PI4KA: variants seen among roughly 807,000 people sequenced by gnomAD.
PI4KA encodes PI4-kinase alpha.
Under a neutral mutation model 271.4 loss-of-function variants are expected in PI4KA, and 122 were observed. The observed-to-expected ratio is 0.45, with a 90% CI of 0.39 to 0.52. The LOEUF is 0.52. PI4KA is among the 20% of genes least tolerant of loss of function. The pLI, the probability that PI4KA is intolerant of heterozygous loss-of-function variation, is 0.00. For missense variants in PI4KA, 1,969 were observed against 2,769.1 expected (o/e 0.71, Z 6.48); for synonymous variants, 1,041 against 1,078.8 (o/e 0.96, Z 0.69).
At position 20,798,706 on chromosome 22, in the gene PI4KA, C is replaced by T. The variant is rs1459632632; in HGVS notation, c.2005-19G>A. 2 of 1,518,378 alleles carry T rather than the reference C, an allele frequency of 1.3e-6. No homozygotes were observed. The highest frequency in any genetic ancestry group is 1.8e-6 in the Non-Finnish European group (2 of 1,092,676). The allele number at this position is 1,518,378 out of a possible 1,614,324, so 94.1% of individuals were successfully genotyped here. A position where few individuals can be genotyped will look rare whatever the true frequency, so the allele number is the denominator to read the frequency against. On this transcript the variant is annotated intron_variant, in intron 16 of 54. Coordinates refer to ENST00000255882, the MANE Select transcript of PI4KA (RefSeq NM_058004.4). ...TGTATTGCTGGGAGAGAGCAAGATG[C>T]ACTGTCACCATGCAGGATGCCCTCA...
At chr22:20,805,622 G>A (rs1935606738) in intron 10 of PI4KA, among the ~76,000 whole-genome samples, 1 of 151,862 alleles carries the variant, frequency 6.6e-6, no homozygotes, top group Non-Finnish European at 1.5e-5. Context: ...CATGAGGTCA[G>A]GAGATCGAGA....
In PI4KA at chr22:20,749,928, T is replaced by C. The variant is rs1930491139; in HGVS notation, c.3220A>G (p.Thr1074Ala). The C allele has an allele frequency of 3.1e-6, 5 of 1,611,562 alleles. No individual in the cohort carries two copies. The highest frequency in any genetic ancestry group is 3.4e-6 in the Non-Finnish European group (4 of 1,177,738). ...ILQEAMKWAP[T>A]VTKSHLQEYL... ...ACCTGCAGGTGGGACTTGGTGACGG[T>C]AGGTGCCCACTTCATGGCCTCCTGG... Residue 1074 changes from threonine to alanine, a missense_variant, in exon 28 of 55, where the codon ACC (threonine) becomes GCC (alanine). Around this residue, in one of 13 missense-constraint regions of PI4KA, gnomAD observed 368 missense variants for 544.3 expected, o/e 0.68. Coordinates refer to ENST00000255882, the MANE Select transcript of PI4KA (RefSeq NM_058004.4).
chr22:20,717,316 G>A (rs527593042), intron 45 of PI4KA, among the ~76,000 whole-genome samples: 2 of 152,228 alleles, frequency 1.3e-5, no homozygotes, highest in Admixed American at 6.5e-5. Context: ...GAGGCGGTGG[G>A]GGGGTGGTGC....
intron 13 of PI4KA, 77 bp downstream of exon 13, chr22:20,803,114 A>C (rs1191348459): frequency 4.0e-6 from 6 of 1,495,512 alleles, no homozygotes; most frequent in Non-Finnish European, 5.6e-6. Context: ...AGGTACAGTC[A>C]TGAAACCTGT....
intron 1 of PI4KA, among the ~76,000 whole-genome samples, chr22:20,847,108 A>G (rs1452251899): frequency 2.0e-5 from 3 of 151,090 alleles, no homozygotes; most frequent in Non-Finnish European, 4.4e-5. Context: ...AGATCACGCC[A>G]CTGCACTCCA....
At chr22:20,739,121 G>A (rs1057125503) in intron 32 of PI4KA, among the ~76,000 whole-genome samples, 4 of 151,706 alleles carry the variant, frequency 2.6e-5, no homozygotes, top group African/African-American at 7.3e-5. Context: ...CGAGGCGGGC[G>A]GATCACAAGG....
At chr22:20,809,431 CT>C (rs361552) in intron 9 of PI4KA, among the ~76,000 whole-genome samples, 53 of 148,402 alleles carry the variant, frequency 3.6e-4, no homozygotes, top group South Asian at 4.2e-4. Flanking sequence ...TTACAAGAAA[CT>C]TTTTTTTTTT....
chr22:20,720,976 G>A (rs1236766239), intron 43 of PI4KA, among the ~76,000 whole-genome samples: 1 of 152,228 alleles, frequency 6.6e-6, no homozygotes, highest in Admixed American at 6.5e-5. Context: ...CCGCTGCCCT[G>A]GGCTGACGGC....
At chr22:20,746,490 T>C (rs1239712044) in intron 29 of PI4KA, among the ~76,000 whole-genome samples, 1 of 152,234 alleles carries the variant, frequency 6.6e-6, no homozygotes, top group African/African-American at 2.4e-5. Context: ...GGCTAGAGTC[T>C]AGAAAAGGCT....
chr22:20,708,305 G>C (rs1321089239), intron 54 of PI4KA, among the ~76,000 whole-genome samples: 8 of 152,156 alleles, frequency 5.3e-5, no homozygotes, highest in Non-Finnish European at 1.2e-4. Flanking sequence ...ATGCTCCTCA[G>C]CCAAACCGCT....
intron 17 of PI4KA, among the ~76,000 whole-genome samples, chr22:20,796,869 C>T (rs5760678): frequency 0.068 from 10,425 of 152,222 alleles, 349 homozygotes; most frequent in East Asian, 0.079. Flanking sequence ...ATGTAAACCC[C>T]GGATGTGAAG....
rs372395181 is a variant in PI4KA, at chr22:20,765,240, C to A, written c.2438-4G>T. 23 of 1,599,914 alleles carry A rather than the reference C, an allele frequency of 1.4e-5. No individual in the cohort carries two copies. The highest frequency in any genetic ancestry group is 2.0e-5 in the Non-Finnish European group (23 of 1,172,038). On this transcript the variant is annotated splice_polypyrimidine_tract_variant and splice_region_variant and intron_variant, in intron 20 of 54. Coordinates refer to ENST00000255882, the MANE Select transcript of PI4KA (RefSeq NM_058004.4). ...TACCATTCTTCTGGCCAGAGTCCTG[C>A]AATAAAGTGAACATAAATGAGGAAA...
At chr22:20,807,092 G>A (rs1159236139) in intron 10 of PI4KA, among the ~76,000 whole-genome samples, 1 of 152,080 alleles carries the variant, frequency 6.6e-6, no homozygotes, top group African/African-American at 2.4e-5. Context: ...CTGTCCTTAG[G>A]ACAATATAAC....
intron 18 of PI4KA, 25 bp from the exon 19 acceptor site, chr22:20,793,268 AT>A: frequency 7.3e-7 from 1 of 1,377,702 alleles, no homozygotes; most frequent in Non-Finnish European, 1.0e-6. Flanking sequence ...AATTATTGTC[AT>A]TAACGAGTAT....
intron 4 of PI4KA, among the ~76,000 whole-genome samples, chr22:20,822,187 G>C (rs1922797708): frequency 6.6e-6 from 1 of 152,182 alleles, no homozygotes; most frequent in Non-Finnish European, 1.5e-5. Flanking sequence ...TGGGATTACA[G>C]GCATGTGTCA....
chr22:20,721,521 T>C (rs775347157), intron 42 of PI4KA, 103 bp from the exon 43 acceptor site: 2 of 1,247,410 alleles, frequency 1.6e-6, no homozygotes, highest in Non-Finnish European at 2.3e-6. Flanking sequence ...CAGGCAAGGG[T>C]AAGGCCCGGT....
At chr22:20,725,348 T>G (rs1049931185) in intron 42 of PI4KA, 2 of 211,996 alleles carry the variant, frequency 9.4e-6, no homozygotes, top group African/African-American at 4.6e-5. Context: ...TTCTGTGCCA[T>G]GACCTGTGCT....
intron 7 of PI4KA, among the ~76,000 whole-genome samples, chr22:20,818,219 G>T (rs1455968651): frequency 2.0e-5 from 3 of 152,110 alleles, no homozygotes; most frequent in Non-Finnish European, 2.9e-5. Context: ...GTATATAGGG[G>T]TCTGTAAGTT....
intron 4 of PI4KA, among the ~76,000 whole-genome samples, chr22:20,824,031 C>T (rs971895099): frequency 6.6e-6 from 1 of 152,006 alleles, no homozygotes; most frequent in Admixed American, 6.6e-5. Flanking sequence ...CTGCCGCCTA[C>T]CTTAAAGGAC....
Sources: allele counts gnomAD v4.1 joint callset (sites outside exome capture counted in the v4.1 genomes callset), GRCh38; gene constraint gnomAD v4.1.1; regional missense constraint gnomAD v4.1.1; transcripts MANE v1.5; gene names NCBI Gene and HGNC (gene_info 2026-07-23, HGNC 2026-07-21).